The following HTT-AS variants were observed in gnomAD, a reference collection of about 807,000 sequenced individuals.
HTT-AS encodes HTT antisense RNA.
chr4:3,047,434 T>C (rs1439531792), downstream of HTT-AS, among the ~76,000 whole-genome samples: 1 of 152,234 alleles, frequency 6.6e-6, no homozygotes, highest in Non-Finnish European at 1.5e-5. Flanking sequence ...TCTATTCCAA[T>C]ATTATAATAA....
At chr4:3,057,401 T>C (rs1711828292) in intron 2 of HTT-AS, among the ~76,000 whole-genome samples, 5 of 152,192 alleles carry the variant, frequency 3.3e-5, no homozygotes, top group African/African-American at 1.2e-4. Flanking sequence ...GTGTCAGAAT[T>C]TCCCTCCTAT....
intron 1 of HTT-AS, among the ~76,000 whole-genome samples, chr4:3,068,805 G>A (rs994042934): frequency 3.9e-5 from 6 of 151,902 alleles, no homozygotes. Context: ...CAGGTGCCTG[G>A]CACAATGCCT....
At chr4:3,047,407 T>C (rs1307335740), downstream of HTT-AS, among the ~76,000 whole-genome samples, 1 of 152,210 alleles carries the variant, frequency 6.6e-6, no homozygotes, top group Non-Finnish European at 1.5e-5. Context: ...TTATCAATCA[T>C]TAGTTTGTGG....
In HTT-AS at chr4:3,072,680, G is replaced by T. The variant is rs1388080654; in HGVS notation, n.113+1746C>A. 2.6e-5 allele frequency among the ~76,000 whole-genome samples: 4 copies of T among 152,152 alleles called. No individual in the cohort carries two copies. In the East Asian group the frequency reaches 7.7e-4, roughly 29 times the overall value. ...AGTCTCACTCTTGTCACCCAGGCTGGAGTGCAATGGCATGATCTTGGCTCA... is the reference window on the plus strand; with the variant it reads ...AGTCTCACTCTTGTCACCCAGGCTGTAGTGCAATGGCATGATCTTGGCTCA... On this transcript the variant is annotated intron_variant and non_coding_transcript_variant, in intron 1 of 2. Transcript: ENST00000664062.
At chr4:3,073,300 T>G (rs998161983) in intron 1 of HTT-AS, among the ~76,000 whole-genome samples, 15 of 152,184 alleles carry the variant, frequency 9.9e-5, no homozygotes, top group African/African-American at 3.6e-4. Flanking sequence ...CCAACCTTAC[T>G]CCCTGCTGGG....
chr4:3,064,866 T>C (rs1712013282), intron 1 of HTT-AS, among the ~76,000 whole-genome samples: 1 of 145,654 alleles, frequency 6.9e-6, no homozygotes, highest in Non-Finnish European at 1.5e-5. Flanking sequence ...CATACCAATC[T>C]CTTTTATGAA....
intron 2 of HTT-AS, among the ~76,000 whole-genome samples, chr4:3,054,648 AAGG>A (rs1344405667): frequency 6.6e-6 from 1 of 152,184 alleles, no homozygotes; most frequent in Non-Finnish European, 1.5e-5. Context: ...ACTAAATTTA[AAGG>A]AGTATTATTC....
intron 1 of HTT-AS, among the ~76,000 whole-genome samples, chr4:3,069,509 C>A (rs1712122915): frequency 6.6e-6 from 1 of 151,984 alleles, no homozygotes. Flanking sequence ...CAGACTTAAC[C>A]AAAAACCAGG....
At chr4:3,055,642 C>T (rs545660080) in intron 2 of HTT-AS, among the ~76,000 whole-genome samples, 24 of 152,258 alleles carry the variant, frequency 1.6e-4, no homozygotes, top group African/African-American at 5.5e-4. Context: ...CCATGCCTAA[C>T]GTGTAAGCCA....
chr4:3,062,806 G>T (rs1474889360), exon 2 of HTT-AS, among the ~76,000 whole-genome samples: 1 of 152,066 alleles, frequency 6.6e-6, no homozygotes, highest in Non-Finnish European at 1.5e-5. Context: ...ATCCTGTGTT[G>T]TGTGGTATGT....
At chr4:3,054,430 A>T (rs968426550) in intron 2 of HTT-AS, among the ~76,000 whole-genome samples, 2 of 152,114 alleles carry the variant, frequency 1.3e-5, no homozygotes, top group South Asian at 2.1e-4. Context: ...TGAAACTACT[A>T]AAAAAATAGT....
intron 1 of HTT-AS, among the ~76,000 whole-genome samples, chr4:3,069,324 T>A (rs1712118922): frequency 6.6e-6 from 1 of 151,446 alleles, no homozygotes; most frequent in African/African-American, 2.4e-5. Context: ...TTTTTTTTTT[T>A]TTTAAATATT....
intron 1 of HTT-AS, among the ~76,000 whole-genome samples, chr4:3,073,812 C>T (rs997501303): frequency 4.6e-5 from 7 of 152,012 alleles, no homozygotes; most frequent in Admixed American, 6.5e-5. Context: ...CACCCTCTCC[C>T]CGTGCAGAGA....
chr4:3,074,561 C>A, upstream of HTT-AS: 1 of 350,434 alleles, frequency 2.9e-6, no homozygotes, highest in East Asian at 6.9e-5. Flanking sequence ...GTTCCCTGGC[C>A]AGCCATTGGC....
chr4:3,052,994 C>CA (rs879875940), intron 2 of HTT-AS, among the ~76,000 whole-genome samples: 218 of 138,610 alleles, frequency 1.6e-3, no homozygotes, highest in African/African-American at 3.5e-3. Context: ...GACTCCGTCT[C>CA]AAAAAAAAAA....
chr4:3,053,730 C>G (rs1578464791), intron 2 of HTT-AS, among the ~76,000 whole-genome samples: 1 of 149,448 alleles, frequency 6.7e-6, no homozygotes, highest in East Asian at 1.9e-4. Context: ...CTAAATTAGG[C>G]AGGTTAGATA....
At chr4:3,066,335 G>A (rs57301890) in intron 1 of HTT-AS, among the ~76,000 whole-genome samples, 15,212 of 152,088 alleles carry the variant, frequency 0.1, 1,278 homozygotes, top group African/African-American at 0.23. Flanking sequence ...ACACCCAGCT[G>A]ATTTTTGTAA....
At chr4:3,046,234 G>A (rs1443184856), downstream of HTT-AS, among the ~76,000 whole-genome samples, 1 of 152,178 alleles carries the variant, frequency 6.6e-6, no homozygotes, top group Non-Finnish European at 1.5e-5. Flanking sequence ...GGGATACCTC[G>A]TGGTCAGAAC....
rs57430954 is a variant in HTT-AS, at chr4:3,049,906, TCACACACACACACACACACACA to T, written n.1381-230_1381-209del. ...AACTATTTTAGCAATTTGTAAGTTA[TCACACACACACACACACACACA>T]CACACACACACACACACACATATAC... On this transcript the variant is annotated intron_variant and non_coding_transcript_variant, in intron 2 of 2. Coordinates refer to ENST00000664062, the Ensembl canonical transcript of HTT-AS. Among the ~76,000 whole-genome samples, 11 of 134,676 alleles carry T rather than the reference TCACACACACACACACACACACA, an allele frequency of 8.2e-5. 1 individual carries two copies. Among genetic ancestry groups the T allele is most frequent in the Admixed American group, 6.2e-4 (8 of 12,952 alleles). The allele number at this position is 134,676 out of a possible 152,430, so 88.4% of individuals were successfully genotyped here.
Sources: gnomAD v4.1 joint callset for allele counts (sites outside exome capture counted in the v4.1 genomes callset) on GRCh38, gnomAD v4.1.1 for gene constraint, MANE v1.5 for transcripts, NCBI Gene and HGNC (gene_info 2026-07-23, HGNC 2026-07-21) for gene names.